Variants in MEGF11 observed in about 807,000 individuals in gnomAD.
MEGF11 encodes the protein multiple EGF like domains 11.
Under a neutral mutation model 146.6 loss-of-function variants are expected in MEGF11, and 126 were observed. The ratio of observed to expected loss-of-function variants is 0.86; its 90% CI spans 0.74 to 1.00. The LOEUF is 1.00. Among genes scored for constraint, MEGF11 ranks in the 50% least tolerant of loss-of-function variants. The pLI is 0.00. For missense variants in MEGF11, 1,509 were observed against 1,521.2 expected (o/e 0.99, Z 0.13); for synonymous variants, 532 against 583.4 (o/e 0.91, Z 1.27).
At chr15:66,037,465 T>C (rs74493853) in intron 5 of MEGF11, among the ~76,000 whole-genome samples, 1 of 152,222 alleles carries the variant, frequency 6.6e-6, no homozygotes, top group Non-Finnish European at 1.5e-5. Flanking sequence ...ATAAGAATGG[T>C]CCCTGCTTCA....
rs1201020458 is a variant in MEGF11, at chr15:65,895,633, T to G, written c.*2301A>C. On this transcript the variant is annotated 3_prime_UTR_variant, in exon 26 of 26. Transcript: ENST00000395614. ...TTGAAATGTCTTTTACTGATAACTG[T>G]TCGATAGGGGAAGGCAGCTATTGTC... 6.6e-6 allele frequency: 1 copy of G among 152,638 alleles called. No individual in the cohort carries two copies. The highest frequency in any genetic ancestry group is 2.4e-5 in the African/African-American group (1 of 41,454). The allele number at this position is 152,638 out of a possible 1,614,324, so 9.5% of individuals were successfully genotyped here. A position where few individuals can be genotyped will look rare whatever the true frequency, so the allele number is the denominator to read the frequency against.
In MEGF11 at chr15:65,982,135, C is replaced by A; in HGVS notation, c.641+107G>T. On this transcript the variant is annotated intron_variant, in intron 6 of 25. Transcript: ENST00000395614. The surrounding 1 kb of genome is among the most constrained non-coding windows in gnomAD (Gnocchi z 5.6). ...TGCAGCTGCGGTGAGGGCAGCCACT[C>A]CAGGCCCCGCCCCAGCCCCTCCACC... The A allele has an allele frequency of 7.5e-7, 1 of 1,342,250 alleles. No individual in the cohort carries two copies. The highest frequency in any genetic ancestry group is 9.7e-7 in the Non-Finnish European group (1 of 1,028,922). 83.1% of individuals were successfully genotyped at this position (1,342,250 alleles called of 1,614,324 possible).
chr15:66,249,592 G>A (rs1304232839), intron 1 of MEGF11, among the ~76,000 whole-genome samples: 1 of 152,176 alleles, frequency 6.6e-6, no homozygotes, highest in African/African-American at 2.4e-5. Context: ...GGGAGGGGAT[G>A]TACATAGCAA....
At chr15:66,079,418 G>A (rs1381587240) in intron 5 of MEGF11, among the ~76,000 whole-genome samples, 2 of 152,178 alleles carry the variant, frequency 1.3e-5, no homozygotes. Context: ...TATATGCAGA[G>A]GAGAGCCCAG....
chr15:66,210,085 G>A (rs1378652512), intron 1 of MEGF11, among the ~76,000 whole-genome samples: 5 of 152,156 alleles, frequency 3.3e-5, no homozygotes, highest in South Asian at 2.1e-4. Flanking sequence ...CTCAGCCTCC[G>A]AAAGTGTTGG....
chr15:66,135,586 G>C (rs1053792392), intron 1 of MEGF11, among the ~76,000 whole-genome samples: 4 of 152,170 alleles, frequency 2.6e-5, no homozygotes, highest in African/African-American at 9.7e-5. Context: ...CCAGTGTGAT[G>C]GGAAATCAGA....
chr15:65,923,991 CAG>C (rs2141266109), intron 13 of MEGF11, among the ~76,000 whole-genome samples: 1 of 152,182 alleles, frequency 6.6e-6, no homozygotes, highest in East Asian at 1.9e-4. Context: ...ATCAGAGGCT[CAG>C]AGAGGGGCAG....
At chr15:66,152,952 T>C (rs2089623932) in intron 1 of MEGF11, among the ~76,000 whole-genome samples, 1 of 152,216 alleles carries the variant, frequency 6.6e-6, no homozygotes, top group South Asian at 2.1e-4. Flanking sequence ...TGTACTGCCA[T>C]GCCGGTCCCG....
At chr15:66,084,973 G>T (rs190076904) in intron 5 of MEGF11, among the ~76,000 whole-genome samples, 87 of 152,288 alleles carry the variant, frequency 5.7e-4, no homozygotes, top group African/African-American at 2.0e-3. Flanking sequence ...GCGGGGGAAG[G>T]GGGGACGGGG....
intron 10 of MEGF11, among the ~76,000 whole-genome samples, chr15:65,957,166 A>C (rs980336303): frequency 6.6e-6 from 1 of 152,228 alleles, no homozygotes; most frequent in African/African-American, 2.4e-5. Context: ...GCCATTTAAA[A>C]TGATAATTAA....
intron 2 of MEGF11, among the ~76,000 whole-genome samples, chr15:66,126,977 C>A (rs970453908): frequency 6.6e-6 from 1 of 152,188 alleles, no homozygotes; most frequent in Non-Finnish European, 1.5e-5. Flanking sequence ...TCCATGATAA[C>A]CAGTTCCTGC....
At chr15:66,203,690 C>T (rs567885358) in intron 1 of MEGF11, among the ~76,000 whole-genome samples, 2 of 152,316 alleles carry the variant, frequency 1.3e-5, no homozygotes, top group South Asian at 4.1e-4. Context: ...CAAAACTCTT[C>T]AAAGGTCAGA....
chr15:66,145,140 G>T (rs1470547997), intron 1 of MEGF11, among the ~76,000 whole-genome samples: 7 of 152,218 alleles, frequency 4.6e-5, no homozygotes, highest in African/African-American at 1.7e-4. Flanking sequence ...CTTAGCAGAG[G>T]CCTGAGCTGA....
intron 1 of MEGF11, among the ~76,000 whole-genome samples, chr15:66,133,062 G>A (rs993676079): frequency 1.3e-5 from 2 of 152,164 alleles, no homozygotes; most frequent in African/African-American, 4.8e-5. Flanking sequence ...TGTCTGGCCC[G>A]AGAGAGGACA....
chr15:65,953,607 C>T (rs2080477689), intron 10 of MEGF11, among the ~76,000 whole-genome samples: 1 of 152,202 alleles, frequency 6.6e-6, no homozygotes, highest in Admixed American at 6.5e-5. Context: ...TACTAGAACA[C>T]AGGTTCCTGG....
At chr15:66,182,576 GA>G (rs759558438) in intron 1 of MEGF11, among the ~76,000 whole-genome samples, 1 of 151,464 alleles carries the variant, frequency 6.6e-6, no homozygotes, top group African/African-American at 2.4e-5. Flanking sequence ...TTCGCAGGGA[GA>G]AAAAAAAATC....
chr15:65,934,345 G>A (rs1567164717), intron 10 of MEGF11, among the ~76,000 whole-genome samples: 1 of 152,156 alleles, frequency 6.6e-6, no homozygotes, highest in African/African-American at 2.4e-5. Flanking sequence ...TCCACCTCCC[G>A]GGTTCAAGCG....
At chr15:66,210,022 C>G (rs897614160) in intron 1 of MEGF11, among the ~76,000 whole-genome samples, 5 of 152,102 alleles carry the variant, frequency 3.3e-5, no homozygotes, top group African/African-American at 1.2e-4. Flanking sequence ...GATGAGGTCT[C>G]TCTATGTTGC....
chr15:66,197,846 A>G (rs772012761), intron 1 of MEGF11, among the ~76,000 whole-genome samples: 19 of 152,256 alleles, frequency 1.2e-4, no homozygotes, highest in Non-Finnish European at 2.5e-4. Context: ...GACCTCTTTA[A>G]CGAATTCTCC....
Sources: allele counts gnomAD v4.1 joint callset (sites outside exome capture counted in the v4.1 genomes callset), GRCh38; gene constraint gnomAD v4.1.1; non-coding constraint Gnocchi (gnomAD v3.1); transcripts MANE v1.5; gene names NCBI Gene and HGNC (gene_info 2026-07-23, HGNC 2026-07-21).